CCDC66: variants seen among roughly 807,000 people sequenced by gnomAD.
CCDC66 encodes the protein coiled-coil domain-containing protein 66.
CCDC66 carries 133 observed loss-of-function variants against 128.3 expected under a neutral mutation model. That is an observed-to-expected ratio of 1.04 (90% CI 0.90 to 1.20). The LOEUF (loss-of-function observed/expected upper bound fraction) is 1.20. CCDC66 is among the 50% of genes most tolerant of loss of function. The pLI is 0.00. For synonymous variants in CCDC66, 387 were observed against 357.0 expected (o/e 1.08, Z -0.95); for missense variants, 1,126 against 1,075.5 (o/e 1.05, Z -0.66).
chr3:56,571,730 A>T (rs539763764), intron 7 of CCDC66, among the ~76,000 whole-genome samples: 196 of 151,992 alleles, frequency 1.3e-3, no homozygotes, highest in African/African-American at 4.3e-3. Context: ...TGTTTTTTTT[A>T]AAAAAAGAAA....
intron 7 of CCDC66, among the ~76,000 whole-genome samples, chr3:56,582,154 A>G (rs187446075): frequency 6.6e-6 from 1 of 151,888 alleles, no homozygotes; most frequent in African/African-American, 2.4e-5. Context: ...CTTGCAGTTC[A>G]GTCTCAGACT....
At position 56,617,314 on chromosome 3, in the gene CCDC66, T is replaced by C; in HGVS notation, c.2046T>C (p.Asn682=). 1.2e-6 allele frequency: 2 copies of C among 1,613,094 alleles called. No homozygotes were observed. Among genetic ancestry groups the C allele is most frequent in the Non-Finnish European group, 1.7e-6 (2 of 1,179,824 alleles). Residue 682 remains asparagine, a synonymous_variant, in exon 14 of 18, where the codon AAT becomes AAC. Transcript: ENST00000394672. The part of the protein sequence containing the change: ...KENNRCNDQC[N]QFTRIEKQTK... ...ACAATCGGTGTAATGACCAGTGTAA[T>C]CAGTTCACAAGAATAGAGAAACAAA...
chr3:56,597,503 T>C (rs979662581), intron 10 of CCDC66, among the ~76,000 whole-genome samples: 1 of 152,096 alleles, frequency 6.6e-6, no homozygotes, highest in Non-Finnish European at 1.5e-5. Context: ...TTCTGATCCA[T>C]GAACATGGGA....
intron 4 of CCDC66, 124 bp from the exon 5 acceptor site, chr3:56,566,470 A>C (rs1249470025): frequency 1.7e-5 from 10 of 604,652 alleles, no homozygotes; most frequent in Middle Eastern, 4.8e-4. Flanking sequence ...TGGCTACCTC[A>C]AGGATTGTTT....
rs770251538 is a variant in CCDC66, at chr3:56,617,620, T to G, written c.2337+15T>G. The G allele has an allele frequency of 8.2e-6, 13 of 1,577,678 alleles. No individual in the cohort carries two copies. The highest frequency in any genetic ancestry group is 1.1e-5 in the Non-Finnish European group (13 of 1,167,720). ...TAGTCAAAAAGGTAAAGCTCTTCCATCTTAGATGATGTGTTGACGTTTCTG... is the reference window on the plus strand; with the variant it reads ...TAGTCAAAAAGGTAAAGCTCTTCCAGCTTAGATGATGTGTTGACGTTTCTG... On this transcript the variant is annotated intron_variant, in intron 14 of 17. Coordinates refer to ENST00000394672, the MANE Select transcript of CCDC66 (RefSeq NM_001141947.3).
In CCDC66 at chr3:56,557,261, G is replaced by GGGGTAAGCA; in HGVS notation, c.11+16_11+17insAGGGTAAGC. 1 of 1,548,164 alleles carries GGGGTAAGCA rather than the reference G, an allele frequency of 6.5e-7. No individual in the cohort carries two copies. The highest frequency in any genetic ancestry group is 8.7e-7 in the Non-Finnish European group (1 of 1,146,380). ...TCAGGCCATGAACTTGGGGTAAGCAGGGGTAAGCTGGGGTAAGCTGGGGTA... is the reference window on the plus strand; with the variant it reads ...TCAGGCCATGAACTTGGGGTAAGCAGGGGTAAGCAGGGTAAGCTGGGGTAAGCTGGGGTA... On this transcript the variant is annotated intron_variant, in intron 1 of 17. Transcript: ENST00000394672.
At chr3:56,560,337 C>T (rs1342953633) in intron 3 of CCDC66, among the ~76,000 whole-genome samples, 1 of 152,166 alleles carries the variant, frequency 6.6e-6, no homozygotes. Flanking sequence ...TCCTGAGTAG[C>T]TGGGACCGTG....
chr3:56,615,989 CAG>C lies in CCDC66; in HGVS notation c.1780_1781del (p.Ser594TrpfsTer2). On this transcript the variant is annotated frameshift_variant, in exon 13 of 18. Transcript: ENST00000394672. LOFTEE classifies it high-confidence loss of function. ...ATTCAAGACATGATTCTGATGAAAT[CAG>C]TGGTAAAATGAATACATATATGAAT... is the stretch of plus-strand genomic sequence containing the variant. ...SNSRHDSDEISGKMNTYMNST... is the reference protein window; with the variant it reads ...SNSRHDSDEIXGKMNTYMNST... The C allele has an allele frequency of 6.9e-6, 11 of 1,595,374 alleles. No homozygotes were observed. Among genetic ancestry groups the C allele is most frequent in the Non-Finnish European group, 9.4e-6 (11 of 1,170,208 alleles).
At chr3:56,603,270 C>T (rs189051976) in intron 10 of CCDC66, among the ~76,000 whole-genome samples, 16 of 151,938 alleles carry the variant, frequency 1.1e-4, no homozygotes, top group Admixed American at 3.9e-4. Context: ...TGAAGGGTTT[C>T]GTGTCTGTAT....
intron 7 of CCDC66, among the ~76,000 whole-genome samples, chr3:56,585,945 A>G (rs1185351296): frequency 6.6e-6 from 1 of 151,910 alleles, no homozygotes; most frequent in East Asian, 2.0e-4. Flanking sequence ...TCTCTAAGAC[A>G]TTGTGAAATG....
intron 10 of CCDC66, among the ~76,000 whole-genome samples, chr3:56,604,168 GTC>G (rs1312668197): frequency 6.6e-6 from 1 of 152,012 alleles, no homozygotes; most frequent in Non-Finnish European, 1.5e-5. Context: ...GCCTATGTGT[GTC>G]TCTGCGTGTG....
rs1329741026 is a variant in CCDC66, at chr3:56,592,420, G to T, written c.937-550G>T. ...CTGTTGCCCATGCTGGAGTGCAGTGGCATGATTTCAGCTCACTACAACCTC... is the reference window on the plus strand; with the variant it reads ...CTGTTGCCCATGCTGGAGTGCAGTGTCATGATTTCAGCTCACTACAACCTC... On this transcript the variant is annotated intron_variant, in intron 7 of 17. Transcript: ENST00000394672. 2.0e-5 allele frequency among the ~76,000 whole-genome samples: 3 copies of T among 152,134 alleles called. No individual in the cohort carries two copies. The East Asian group carries it at 5.8e-4, about 29-fold the overall frequency.
chr3:56,592,684 A>G (rs535513222), intron 7 of CCDC66, among the ~76,000 whole-genome samples: 7 of 152,110 alleles, frequency 4.6e-5, no homozygotes, highest in African/African-American at 1.4e-4. Context: ...AAGTCTTTTA[A>G]TTGTTTTGGA....
intron 3 of CCDC66, chr3:56,561,044 C>T (rs1219042391): frequency 2.3e-6 from 1 of 428,238 alleles, no homozygotes; most frequent in East Asian, 7.0e-5. Context: ...CCACAAACTA[C>T]ATATAAAAAT....
intron 7 of CCDC66, among the ~76,000 whole-genome samples, chr3:56,592,219 G>T (rs956335351): frequency 2.6e-5 from 4 of 152,178 alleles, no homozygotes; most frequent in Non-Finnish European, 4.4e-5. Flanking sequence ...AAAGTCTCTT[G>T]CTCTCACACA....
intron 4 of CCDC66, 60 bp from the exon 5 acceptor site, chr3:56,566,534 C>G: frequency 8.9e-7 from 1 of 1,122,730 alleles, no homozygotes. Flanking sequence ...TAGCACTATG[C>G]CAAGTATTAT....
chr3:56,586,113 ATTCT>A (rs1423757561), intron 7 of CCDC66, among the ~76,000 whole-genome samples: 3 of 152,032 alleles, frequency 2.0e-5, no homozygotes, highest in Non-Finnish European at 2.9e-5. Flanking sequence ...GAACCTTCTA[ATTCT>A]TTATGCATTT....
At chr3:56,614,963 G>A (rs188791343) in intron 11 of CCDC66, among the ~76,000 whole-genome samples, 165 bp from the exon 12 acceptor site, 1 of 152,340 alleles carries the variant, frequency 6.6e-6, no homozygotes, top group East Asian at 1.9e-4. Flanking sequence ...ATGTTAAAAT[G>A]TAAGCTCCAA....
At chr3:56,590,197 A>G (rs1336106465) in intron 7 of CCDC66, among the ~76,000 whole-genome samples, 1 of 152,220 alleles carries the variant, frequency 6.6e-6, no homozygotes, top group Non-Finnish European at 1.5e-5. Flanking sequence ...GGCAAAGTCA[A>G]CACTGAGTGT....
Sources: gnomAD v4.1 joint callset for allele counts (sites outside exome capture counted in the v4.1 genomes callset) on GRCh38, gnomAD v4.1.1 for gene constraint, MANE v1.5 for transcripts, NCBI Gene and HGNC (gene_info 2026-07-23, HGNC 2026-07-21) for gene names.